RAB25: variants seen among roughly 807,000 people sequenced by gnomAD.
RAB25 encodes RAB25, member RAS oncogene family.
In RAB25, 23 loss-of-function variants were observed where a neutral mutation model predicts 25.2. The ratio of observed to expected loss-of-function variants is 0.91; its 90% CI spans 0.66 to 1.29. RAB25 has a LOEUF of 1.29. Among genes scored for constraint, RAB25 ranks in the 50% most tolerant of loss-of-function variants. RAB25 has a pLI of 0.00. For missense variants in RAB25, 244 were observed against 277.3 expected (o/e 0.88, Z 0.85); for synonymous variants, 102 against 111.5 (o/e 0.91, Z 0.54).
At position 156,064,733 on chromosome 1, in the gene RAB25, G is replaced by C. The variant is rs187347522; in HGVS notation, c.44-1178G>C. On this transcript the variant is annotated intron_variant, in intron 1 of 4. Transcript: ENST00000361084. The stretch of plus-strand genomic sequence containing the variant: ...CCCAGCCAAGGAACTTTTAAAGTTG[G>C]AGGAGGCCTTTATAAGTTGTATAAG... Among the ~76,000 whole-genome samples, 3 of 152,326 alleles carry C rather than the reference G, an allele frequency of 2.0e-5. No individual in the cohort carries two copies. In the East Asian group the frequency reaches 5.8e-4, roughly 29 times the overall value.
intron 2 of RAB25, 78 bp downstream of exon 2, chr1:156,066,184 G>A: frequency 1.5e-6 from 2 of 1,327,638 alleles, no homozygotes; most frequent in South Asian, 1.6e-5. Context: ...GAGAAGTGGG[G>A]GAGGAGGAGG....
chr1:156,065,143 C>T (rs1647702799), intron 1 of RAB25, among the ~76,000 whole-genome samples: 1 of 152,214 alleles, frequency 6.6e-6, no homozygotes, highest in African/African-American at 2.4e-5. Flanking sequence ...TTTACACTTA[C>T]TATATCCTGG....
At chr1:156,066,933 G>A (rs796678947) in intron 2 of RAB25, among the ~76,000 whole-genome samples, 8 of 149,122 alleles carry the variant, frequency 5.4e-5, no homozygotes, top group African/African-American at 2.0e-4. Context: ...AAGCGATACT[G>A]TGTCTCAAGA....
chr1:156,069,329 C>T (rs916245169), intron 3 of RAB25, among the ~76,000 whole-genome samples: 17 of 151,998 alleles, frequency 1.1e-4, no homozygotes, highest in Non-Finnish European at 2.2e-4. Flanking sequence ...TACAGGTGCC[C>T]GCCACCATGC....
chr1:156,069,802 C>A, intron 4 of RAB25, 51 bp downstream of exon 4: 1 of 1,478,300 alleles, frequency 6.8e-7, no homozygotes, highest in Non-Finnish European at 9.5e-7. Context: ...GTGGCTTCTA[C>A]AGGCAGCAGT....
At chr1:156,063,540 G>A (rs1647654430) in intron 1 of RAB25, among the ~76,000 whole-genome samples, 1 of 152,186 alleles carries the variant, frequency 6.6e-6, no homozygotes, top group Non-Finnish European at 1.5e-5. Context: ...ACACAGGCTG[G>A]ACAAACCTGG....
chr1:156,061,378 T>A lies in RAB25; in HGVS notation c.-23T>A, dbSNP rs757317854. 6.8e-6 allele frequency: 11 copies of A among 1,613,564 alleles called. No individual in the cohort carries two copies. The South Asian group carries it at 1.2e-4, about 18-fold the overall frequency. ...TGTCGCCTCTGTCCCCGAAGACACCTGCACCCTCCATGCGGAGCCAAGATG... is the reference window on the plus strand; with the variant it reads ...TGTCGCCTCTGTCCCCGAAGACACCAGCACCCTCCATGCGGAGCCAAGATG... On this transcript the variant is annotated 5_prime_UTR_variant, in exon 1 of 5. Transcript: ENST00000361084.
intron 3 of RAB25, among the ~76,000 whole-genome samples, chr1:156,068,940 C>A (rs550958271): frequency 6.6e-6 from 1 of 151,854 alleles, no homozygotes; most frequent in African/African-American, 2.4e-5. Context: ...CCAGCTGCCT[C>A]GGCCTCCCAA....
At chr1:156,069,382 T>C (rs1647840522) in intron 3 of RAB25, among the ~76,000 whole-genome samples, 1 of 152,118 alleles carries the variant, frequency 6.6e-6, no homozygotes, top group South Asian at 2.1e-4. Flanking sequence ...GGTTTCACCA[T>C]GTTGGCCAAG....
chr1:156,063,489 G>C (rs1304527135), intron 1 of RAB25, among the ~76,000 whole-genome samples: 1 of 152,182 alleles, frequency 6.6e-6, no homozygotes, highest in Non-Finnish European at 1.5e-5. Context: ...GAAAGGAAGG[G>C]AGAGGAAACA....
chr1:156,068,561 C>T, intron 3 of RAB25, 98 bp downstream of exon 3: 1 of 1,235,190 alleles, frequency 8.1e-7, no homozygotes, highest in South Asian at 1.4e-5. Flanking sequence ...AGCCCCTAGC[C>T]TGGCCTTCCT....
At chr1:156,069,603 AACAT>A in intron 3 of RAB25, 64 bp from the exon 4 acceptor site, 1 of 1,258,890 alleles carries the variant, frequency 7.9e-7, no homozygotes, top group South Asian at 1.2e-5. Context: ...GTATATAGCA[AACAT>A]TAATATTATT....
chr1:156,062,359 T>G (rs906478125), intron 1 of RAB25, among the ~76,000 whole-genome samples: 2 of 152,122 alleles, frequency 1.3e-5, no homozygotes, highest in African/African-American at 4.8e-5. Context: ...CCTGGAAGCA[T>G]GCATGTATCT....
intron 1 of RAB25, among the ~76,000 whole-genome samples, chr1:156,062,005 G>C (rs1186565867): frequency 1.3e-5 from 2 of 151,712 alleles, no homozygotes; most frequent in Non-Finnish European, 2.9e-5. Flanking sequence ...GGATGGTCTG[G>C]AACTGACCTC....
chr1:156,067,483 G>A (rs1193639907), intron 2 of RAB25, among the ~76,000 whole-genome samples: 1 of 152,218 alleles, frequency 6.6e-6, no homozygotes, highest in Non-Finnish European at 1.5e-5. Flanking sequence ...AGGGAGACTG[G>A]ATGCTTTCAG....
chr1:156,069,284 C>T (rs893425121), intron 3 of RAB25, among the ~76,000 whole-genome samples: 2 of 152,060 alleles, frequency 1.3e-5, no homozygotes, highest in African/African-American at 4.8e-5. Flanking sequence ...TGGGTTCAAG[C>T]AATTCTCTGC....
Position 156,061,376 on chromosome 1 carries a change from C to T in RAB25, c.-25C>T. On this transcript the variant is annotated 5_prime_UTR_variant, in exon 1 of 5. Transcript: ENST00000361084. ...TTTGTCGCCTCTGTCCCCGAAGACA[C>T]CTGCACCCTCCATGCGGAGCCAAGA... 1.2e-6 allele frequency: 2 copies of T among 1,613,602 alleles called. No individual in the cohort carries two copies. The highest frequency in any genetic ancestry group is 1.7e-5 in the Admixed American group (1 of 60,020).
intron 1 of RAB25, among the ~76,000 whole-genome samples, chr1:156,062,523 G>A (rs569280151): frequency 1.3e-5 from 2 of 152,034 alleles, no homozygotes; most frequent in African/African-American, 2.4e-5. Flanking sequence ...TCCAGAACCC[G>A]CCCTTGAGCT....
intron 1 of RAB25, among the ~76,000 whole-genome samples, chr1:156,064,407 AT>A (rs1222620290): frequency 1.5e-4 from 21 of 143,882 alleles, no homozygotes; most frequent in East Asian, 2.0e-4. Context: ...CACTTGGCTA[AT>A]TTTTTTTTCT....
Sources: allele counts gnomAD v4.1 joint callset (sites outside exome capture counted in the v4.1 genomes callset), GRCh38; gene constraint gnomAD v4.1.1; transcripts MANE v1.5; gene names NCBI Gene and HGNC (gene_info 2026-07-23, HGNC 2026-07-21).